The following OPRM1 variants were observed in gnomAD, a reference collection of about 807,000 sequenced individuals.
The protein encoded by OPRM1 is opioid receptor mu 1.
OPRM1 carries 27 observed loss-of-function variants against 31.8 expected under a neutral mutation model. The ratio of observed to expected loss-of-function variants is 0.85; its 90% confidence interval spans 0.63 to 1.17. OPRM1 has a LOEUF of 1.17. Ranked by LOEUF, OPRM1 falls within the 50% of genes most tolerant of loss-of-function variation. OPRM1 has a pLI of 0.00. For missense variants in OPRM1, 536 were observed against 511.1 expected (o/e 1.05, Z -0.47); for synonymous variants, 196 against 189.9 (o/e 1.03, Z -0.26).
At chr6:154,167,915 G>C (rs780875807) in intron 3 of OPRM1, 1 of 1,567,184 alleles carries the variant, frequency 6.4e-7, no homozygotes, top group Admixed American at 1.7e-5. Flanking sequence ...TTGAAATTTT[G>C]TTACCTTTAA....
intron 3 of OPRM1, among the ~76,000 whole-genome samples, chr6:154,172,889 T>C (rs1799990217): frequency 1.3e-5 from 2 of 152,212 alleles, no homozygotes. Flanking sequence ...GTAGCCTGAC[T>C]GGAGCCTCAC....
At chr6:154,046,809 T>C (rs1472220099) in intron 1 of OPRM1, 1 of 152,162 alleles carries the variant, frequency 6.6e-6, no homozygotes, top group Non-Finnish European at 1.5e-5. Flanking sequence ...TCCTTATCTG[T>C]AAAAAGGTGC....
intron 3 of OPRM1, among the ~76,000 whole-genome samples, chr6:154,207,483 C>G (rs963035540): frequency 2.6e-5 from 4 of 152,134 alleles, no homozygotes; most frequent in African/African-American, 9.7e-5. Context: ...GACAACTGTT[C>G]AAGATATGTC....
At chr6:154,082,612 G>T (rs1421726527) in intron 1 of OPRM1, among the ~76,000 whole-genome samples, 1 of 152,072 alleles carries the variant, frequency 6.6e-6, no homozygotes, top group Non-Finnish European at 1.5e-5. Flanking sequence ...ATTTGAAGTC[G>T]CTAGTAATGT....
At chr6:154,184,863 T>G (rs2128573004) in intron 3 of OPRM1, among the ~76,000 whole-genome samples, 1 of 152,302 alleles carries the variant, frequency 6.6e-6, no homozygotes, top group Non-Finnish European at 1.5e-5. Flanking sequence ...TAATTAAAAC[T>G]TAAATACAGA....
At chr6:154,201,759 G>A (rs1292320227) in intron 3 of OPRM1, among the ~76,000 whole-genome samples, 1 of 152,186 alleles carries the variant, frequency 6.6e-6, no homozygotes, top group African/African-American at 2.4e-5. Context: ...GCAGGACATG[G>A]TGGCTCATGC....
rs79216711 is a variant in OPRM1 at position 154,091,381 on chromosome 6, C to A, written c.1073C>A (p.Ser358Tyr). 1.9e-6 allele frequency: 3 copies of A among 1,614,212 alleles called. No individual in the cohort carries two copies. The highest frequency in any genetic ancestry group is 2.5e-6 in the Non-Finnish European group (3 of 1,180,044). The change falls in exon 3 of 4, where the codon TCC (serine) becomes TAC (tyrosine). Residue 358 changes from serine (S) to tyrosine (Y), a missense_variant. Transcript: ENST00000330432. The stretch of plus-strand genomic sequence containing the variant: ...AGAGAGTTCTGTATCCCAACCTCTT[C>A]CAACATTGAGCAACAAAACTCCACT... ...CFREFCIPTS[S>Y]NIEQQNSTRI...
intron 3 of OPRM1, among the ~76,000 whole-genome samples, chr6:154,208,468 T>C (rs1324609814): frequency 2.0e-5 from 3 of 152,208 alleles, no homozygotes; most frequent in Non-Finnish European, 4.4e-5. Context: ...TGGACTCCAC[T>C]TCTGATGTAG....
In OPRM1 at chr6:154,123,122, C is replaced by G. The variant is rs746575893; in HGVS notation, c.*4401C>G. 6.6e-6 allele frequency among the ~76,000 whole-genome samples: 1 copy of G among 152,194 alleles called. No homozygotes were observed. Among genetic ancestry groups the G allele is most frequent in the Non-Finnish European group, 1.5e-5 (1 of 68,034 alleles). On this transcript the variant is annotated 3_prime_UTR_variant, in exon 4 of 4. Coordinates refer to ENST00000330432, the MANE Select transcript of OPRM1 (RefSeq NM_000914.5). ...CCAAAAGCTTTTATAAGAAACTCCT[C>G]TCATCTCTGCAGCTATTTGAGTAAC... is the stretch of plus-strand genomic sequence containing the variant.
At chr6:154,144,821 G>T (rs1293836370) in intron 3 of OPRM1, among the ~76,000 whole-genome samples, 2 of 150,928 alleles carry the variant, frequency 1.3e-5, no homozygotes, top group African/African-American at 4.9e-5. Flanking sequence ...AAGCAAGGCT[G>T]GTTTGATACT....
chr6:154,225,595 G>A (rs1165950696), intron 3 of OPRM1, among the ~76,000 whole-genome samples: 1 of 152,126 alleles, frequency 6.6e-6, no homozygotes, highest in Non-Finnish European at 1.5e-5. Context: ...CCAGGCAGTA[G>A]GAAATAGGGA....
chr6:154,091,212 G>A lies in OPRM1; in HGVS notation c.904G>A (p.Val302Ile), dbSNP rs187512719. ...CTGCTGGACTCCCATTCACATTTAC[G>A]TCATCATTAAAGCCTTGGTTACAAT... ...IVCWTPIHIY[V>I]IIKALVTIPE... The change falls in exon 3 of 4, where the codon GTC (valine) becomes ATC (isoleucine). Residue 302 changes from valine to isoleucine, a missense_variant. Transcript: ENST00000330432. 3.2e-5 allele frequency: 52 copies of A among 1,614,110 alleles called. No homozygotes were observed. In the East Asian group the frequency reaches 6.9e-4, roughly 21 times the overall value.
chr6:154,019,525 C>A (rs1778219838), intron 1 of OPRM1, among the ~76,000 whole-genome samples: 1 of 151,770 alleles, frequency 6.6e-6, no homozygotes, highest in African/African-American at 2.4e-5. Flanking sequence ...TTTCACTGCC[C>A]TAAAAATTCG....
intron 3 of OPRM1, among the ~76,000 whole-genome samples, chr6:154,107,168 T>G (rs1326210905): frequency 2.0e-5 from 3 of 152,072 alleles, no homozygotes; most frequent in African/African-American, 7.2e-5. Flanking sequence ...GAGGATGGAG[T>G]CCTTGGAAGA....
At chr6:154,035,938 G>T (rs1309235373), upstream of OPRM1, among the ~76,000 whole-genome samples, 1 of 151,930 alleles carries the variant, frequency 6.6e-6, no homozygotes, top group Non-Finnish European at 1.5e-5. Context: ...ACATATTAAG[G>T]CTCAATGAAA....
chr6:154,093,640 A>G, intron 3 of OPRM1: 1 of 1,057,658 alleles, frequency 9.5e-7, no homozygotes, highest in South Asian at 1.7e-5. Context: ...TGCCTCTATG[A>G]AGCAGTATCA....
At chr6:154,041,842 G>A (rs1333829474) in intron 1 of OPRM1, among the ~76,000 whole-genome samples, 1 of 152,066 alleles carries the variant, frequency 6.6e-6, no homozygotes, top group Non-Finnish European at 1.5e-5. Flanking sequence ...CCCTTTTATT[G>A]CTTCTTGATA....
intron 3 of OPRM1, among the ~76,000 whole-genome samples, chr6:154,173,167 AC>A (rs1800016355): frequency 6.6e-6 from 1 of 152,230 alleles, no homozygotes; most frequent in Admixed American, 6.5e-5. Flanking sequence ...TCCGTAGGTC[AC>A]CAACACCTAA....
chr6:154,187,130 T>C (rs1801442887), intron 3 of OPRM1, among the ~76,000 whole-genome samples: 1 of 152,186 alleles, frequency 6.6e-6, no homozygotes, highest in Admixed American at 6.5e-5. Flanking sequence ...TGGAAGACTC[T>C]TCCCCAAATA....
Sources: gnomAD v4.1 joint callset for allele counts (sites outside exome capture counted in the v4.1 genomes callset) on GRCh38, gnomAD v4.1.1 for gene constraint, MANE v1.5 for transcripts, NCBI Gene and HGNC (gene_info 2026-07-23, HGNC 2026-07-21) for gene names.